EPB41: variants seen among roughly 807,000 people sequenced by gnomAD.
EPB41 encodes protein 4.1.
A neutral mutation model predicts 108.0 loss-of-function variants in EPB41; 65 were observed. The observed-to-expected ratio is 0.60, with a 90% CI of 0.49 to 0.74. The LOEUF (loss-of-function observed/expected upper bound fraction) is 0.74. Among genes scored for constraint, EPB41 ranks in the 30% least tolerant of loss-of-function variants. The probability of loss-of-function intolerance (pLI) is 0.00; values close to 1 mark genes in which losing one functional copy is unlikely to be tolerated. For synonymous variants in EPB41, 336 were observed against 358.9 expected, an observed-to-expected ratio of 0.94 and a Z score of 0.72; for missense variants, 875 against 1,037.0, an observed-to-expected ratio of 0.84 and a Z score of 2.15.
intron 1 of EPB41, among the ~76,000 whole-genome samples, chr1:28,942,800 GC>G (rs1326485395): frequency 6.6e-6 from 1 of 152,158 alleles, no homozygotes; most frequent in Non-Finnish European, 1.5e-5. Flanking sequence ...CTGGCAACCA[GC>G]CCCCATCCTA....
chr1:28,967,143 T>C (rs910925078), intron 1 of EPB41, among the ~76,000 whole-genome samples: 1 of 147,686 alleles, frequency 6.8e-6, no homozygotes, highest in Non-Finnish European at 1.5e-5. Flanking sequence ...CTCAGCCTCC[T>C]GAGTAGCTGG....
chr1:28,962,825 G>T (rs1025561572), intron 1 of EPB41, among the ~76,000 whole-genome samples: 1 of 152,060 alleles, frequency 6.6e-6, no homozygotes, highest in African/African-American at 2.4e-5. Context: ...TTTATGGCTC[G>T]CAGTATGTGT....
At position 29,013,096 on chromosome 1, in the gene EPB41, C is replaced by G. The variant is rs2096529278; in HGVS notation, c.829+1189C>G. Among the ~76,000 whole-genome samples the G allele has an allele frequency of 1.3e-5, 2 of 151,954 alleles. 1 individual carries two copies. Among genetic ancestry groups the G allele is most frequent in the Admixed American group, 1.3e-4 (2 of 15,274 alleles). On this transcript the variant is annotated intron_variant, in intron 5 of 20. Coordinates refer to ENST00000343067, the MANE Select transcript of EPB41 (RefSeq NM_001376013.1). ...AAAAAAATCTTGCTAAGAAAAGGAA[C>G]CTTAATATTTTTCAGTTAAAAAAAA...
chr1:29,022,035 A>T (rs887384054), intron 7 of EPB41, among the ~76,000 whole-genome samples: 4 of 152,206 alleles, frequency 2.6e-5, no homozygotes, highest in African/African-American at 9.7e-5. Context: ...GACAAAATTC[A>T]AGCTTTCTGG....
At chr1:29,085,298 A>G (rs1033574485) in intron 16 of EPB41, among the ~76,000 whole-genome samples, 8 of 151,784 alleles carry the variant, frequency 5.3e-5, no homozygotes, top group Non-Finnish European at 1.0e-4. Flanking sequence ...ACCCGCCACC[A>G]TGCCCGGCTA....
intron 1 of EPB41, among the ~76,000 whole-genome samples, chr1:28,954,579 G>A (rs1344941729): frequency 1.3e-5 from 2 of 152,278 alleles, no homozygotes; most frequent in Admixed American, 6.5e-5. Flanking sequence ...TAGTTCTTAA[G>A]TAACTTTTTT....
At chr1:29,100,462 C>CA (rs1664928356) in intron 17 of EPB41, among the ~76,000 whole-genome samples, 1 of 145,948 alleles carries the variant, frequency 6.9e-6, no homozygotes, top group African/African-American at 2.5e-5. Context: ...AACTCTGTCT[C>CA]AAAAAATAAA....
Position 28,987,834 on chromosome 1 carries a change from G to A in EPB41, c.397G>A (p.Ala133Thr), listed in dbSNP as rs1486748838. 1 of 1,614,180 alleles carries A rather than the reference G, an allele frequency of 6.2e-7. No homozygotes were observed. The highest frequency in any genetic ancestry group is 8.5e-7 in the Non-Finnish European group (1 of 1,180,028). The change falls in exon 2 of 21, where the codon GCA becomes ACA. Residue 133 changes from alanine to threonine, a missense_variant. Ala to Thr is a moderately conservative substitution (Grantham distance 58). This residue lies in a region of EPB41 where 353 missense variants were observed against 393.2 expected (regional missense o/e 0.90). Transcript: ENST00000343067. ...AGAGATCATTTTAAAGGCCCCAATTGCAGCTCCTGAACCGGAACTCAAAAC... is the reference window on the plus strand; with the variant it reads ...AGAGATCATTTTAAAGGCCCCAATTACAGCTCCTGAACCGGAACTCAAAAC... ...DEEIILKAPI[A>T]APEPELKTDP...
At chr1:29,070,573 C>T in intron 16 of EPB41, 5 of 1,232,116 alleles carry the variant, frequency 4.1e-6, no homozygotes, top group South Asian at 4.1e-5. Flanking sequence ...TGTCTTTTCT[C>T]GTGATCCTTG....
Position 28,964,955 on chromosome 1 carries a change from C to T in EPB41, c.-7-22476C>T, listed in dbSNP as rs1378739847. On this transcript the variant is annotated intron_variant, in intron 1 of 20. Coordinates refer to ENST00000343067, the MANE Select transcript of EPB41 (RefSeq NM_001376013.1). ...ATCAAAGGCCTTTTCTCTGACTCTG[C>T]TCTGCTTATTCTCTGCATATATTAC... Among the ~76,000 whole-genome samples, 38 of 152,188 alleles carry T rather than the reference C, an allele frequency of 2.5e-4. 1 individual carries two copies. The highest frequency in any genetic ancestry group is 2.5e-3 in the Admixed American group (38 of 15,268).
In EPB41 at chr1:29,065,080, T is replaced by G; in HGVS notation, c.2106T>G (p.Ser702Arg). The change falls in exon 16 of 21, where the codon AGT becomes AGG. Residue 702 changes from serine (S) to arginine (R), a missense_variant. Coordinates refer to ENST00000343067, the MANE Select transcript of EPB41 (RefSeq NM_001376013.1). ...AGTCTGTACCAGAACCACGGCCTAG[T>G]GAATGGGATAAACGCTTATCCACTC... is the stretch of plus-strand genomic sequence containing the variant. ...FMESVPEPRP[S>R]EWDKRLSTHS... 6.2e-7 allele frequency: 1 copy of G among 1,614,196 alleles called. No individual in the cohort carries two copies. The highest frequency in any genetic ancestry group is 8.5e-7 in the Non-Finnish European group (1 of 1,180,028).
chr1:29,013,645 G>A (rs554583600), intron 5 of EPB41, among the ~76,000 whole-genome samples: 2 of 152,040 alleles, frequency 1.3e-5, no homozygotes, highest in East Asian at 3.9e-4. Flanking sequence ...TCCTGCCTCA[G>A]CCTCCCAAGT....
chr1:28,976,584 G>A (rs1320856151), intron 1 of EPB41, among the ~76,000 whole-genome samples: 3 of 152,022 alleles, frequency 2.0e-5, no homozygotes, highest in Non-Finnish European at 1.5e-5. Context: ...AAACTCCTGG[G>A]CTCAAGCTAT....
chr1:29,097,779 T>C (rs973183852), intron 16 of EPB41, 28 bp from the exon 17 acceptor site: 8 of 1,612,600 alleles, frequency 5.0e-6, no homozygotes, highest in Non-Finnish European at 5.9e-6. Context: ...AGAAATACTC[T>C]AGTAACTCTT....
chr1:29,058,687 C>A (rs753340864), intron 13 of EPB41, 42 bp downstream of exon 13: 3 of 1,597,030 alleles, frequency 1.9e-6, no homozygotes. Flanking sequence ...CCCTCCACCC[C>A]CTCAGTTTTT....
chr1:28,971,180 CTTTTTTTTTTTT>C (rs1000130058), intron 1 of EPB41, among the ~76,000 whole-genome samples: 3 of 66,330 alleles, frequency 4.5e-5, no homozygotes, highest in East Asian at 5.2e-4. Flanking sequence ...TTCTTTCTTT[CTTTTTTTTTTTT>C]TTTTTTTTTT....
At chr1:28,896,824 G>GGAGT (rs1461432599) in intron 1 of EPB41, among the ~76,000 whole-genome samples, 1 of 67,044 alleles carries the variant, frequency 1.5e-5, no homozygotes, top group Non-Finnish European at 3.1e-5. Context: ...GGGATAAGGA[G>GGAGT]CAGCGATGTG....
chr1:28,902,038 A>G (rs1262564830), intron 1 of EPB41, among the ~76,000 whole-genome samples: 1 of 152,212 alleles, frequency 6.6e-6, no homozygotes, highest in Non-Finnish European at 1.5e-5. Flanking sequence ...TGTACCTAGA[A>G]CAGTGCGTGG....
rs535558323 is a variant in EPB41, at chr1:29,115,342, G to A, written c.2497-357G>A. On this transcript the variant is annotated intron_variant, in intron 19 of 20. Transcript: ENST00000343067. This position sits in a 1 kb window ranked among gnomAD's most constrained non-coding sequence, Gnocchi z 4.4. ...TGGGAGGCGGAGGTTGCAGTGAGCC[G>A]AGATTGCACCATTGCACTCCAGCCT... Among the ~76,000 whole-genome samples the A allele has an allele frequency of 3.7e-4, 56 of 152,128 alleles. No individual in the cohort carries two copies. In the East Asian group the frequency reaches 4.8e-3, roughly 13 times the overall value.
Sources: gnomAD v4.1 joint callset for allele counts (sites outside exome capture counted in the v4.1 genomes callset) on GRCh38, gnomAD v4.1.1 for gene constraint, gnomAD v4.1.1 regional missense constraint, Gnocchi (gnomAD v3.1) non-coding constraint, MANE v1.5 for transcripts, NCBI Gene and HGNC (gene_info 2026-07-23, HGNC 2026-07-21) for gene names.